The following GABARAPL2 variants were observed in gnomAD, a reference collection of about 807,000 sequenced individuals.
The protein encoded by GABARAPL2 is gamma-aminobutyric acid receptor-associated protein-like 2.
Under a neutral mutation model 16.9 loss-of-function variants are expected in GABARAPL2, and 11 were observed. The observed-to-expected ratio is 0.65, with a 90% CI of 0.41 to 1.08. The LOEUF (loss-of-function observed/expected upper bound fraction) is 1.08, where lower values mean the gene tolerates loss of function less well. Among genes scored for constraint, GABARAPL2 ranks in the 50% least tolerant of loss-of-function variants. The probability of loss-of-function intolerance (pLI) is 0.00; values close to 1 mark genes in which losing one functional copy is unlikely to be tolerated. For missense variants in GABARAPL2, 134 were observed against 142.5 expected (o/e 0.94, Z 0.30); for synonymous variants, 57 against 50.7 (o/e 1.12, Z -0.53).
intron 3 of GABARAPL2, among the ~76,000 whole-genome samples, chr16:75,569,631 C>T (rs557512806): frequency 6.6e-6 from 1 of 152,232 alleles, no homozygotes; most frequent in Non-Finnish European, 1.5e-5. Flanking sequence ...GTGACTAGGA[C>T]CTATGGCATT....
intron 3 of GABARAPL2, chr16:75,572,154 CTG>C (rs958368076): frequency 1.2e-4 from 19 of 152,034 alleles, no homozygotes; most frequent in African/African-American, 4.1e-4. Flanking sequence ...ATGAGTGAAA[CTG>C]TCTCAAAACA....
chr16:75,575,772 G>A (rs186504796), intron 3 of GABARAPL2: 1 of 152,292 alleles, frequency 6.6e-6, no homozygotes, highest in Admixed American at 6.5e-5. Context: ...TTTTAGTAGA[G>A]ACAGGGTTTC....
At chr16:75,573,356 C>T (rs34981527) in intron 3 of GABARAPL2, among the ~76,000 whole-genome samples, 5,588 of 152,292 alleles carry the variant, frequency 0.037, 132 homozygotes, top group Non-Finnish European at 0.051. Context: ...AGTCAGATCC[C>T]GTAAGTGCTG....
intron 3 of GABARAPL2, 117 bp from the exon 4 acceptor site, chr16:75,577,162 A>C: frequency 1.5e-6 from 1 of 677,392 alleles, no homozygotes; most frequent in South Asian, 1.7e-5. Context: ...CAGGATTATA[A>C]GCACACAGCA....
At chr16:75,568,841 C>T (rs1370650477) in intron 3 of GABARAPL2, among the ~76,000 whole-genome samples, 2 of 152,168 alleles carry the variant, frequency 1.3e-5, no homozygotes, top group African/African-American at 2.4e-5. Flanking sequence ...TTAGAATTCC[C>T]GTTTTCTGTG....
In GABARAPL2 at chr16:75,577,397, A is replaced by C; in HGVS notation, c.*28A>C. 7.6e-7 allele frequency: 1 copy of C among 1,324,012 alleles called. No individual in the cohort carries two copies. Among genetic ancestry groups the C allele is most frequent in the Non-Finnish European group, 1.1e-6 (1 of 915,000 alleles). 82.0% of individuals were successfully genotyped at this position (1,324,012 alleles called of 1,614,324 possible). A position where few individuals can be genotyped will look rare whatever the true frequency, so the allele number is the denominator to read the frequency against. On this transcript the variant is annotated 3_prime_UTR_variant, in exon 4 of 4. Transcript: ENST00000037243. Reference sequence around the variant, plus strand: ...GCCATTGCTGGGCTAGGTGCACCGTAACTGCTTGTGTATCTTGTAAATAGC... The same window carrying C: ...GCCATTGCTGGGCTAGGTGCACCGTCACTGCTTGTGTATCTTGTAAATAGC...
chr16:75,570,114 G>T (rs920545659), intron 3 of GABARAPL2, among the ~76,000 whole-genome samples: 6 of 150,260 alleles, frequency 4.0e-5, no homozygotes, highest in African/African-American at 9.8e-5. Context: ...TTTTTTTTTT[G>T]AGACAGAGTC....
In GABARAPL2 at chr16:75,566,387, C is replaced by T; in HGVS notation, c.-100C>T. The T allele has an allele frequency of 2.3e-6, 2 of 878,226 alleles. No homozygotes were observed. Among genetic ancestry groups the T allele is most frequent in the South Asian group, 2.9e-5 (2 of 69,102 alleles). 54.4% of individuals were successfully genotyped at this position (878,226 alleles called of 1,614,324 possible). A position where few individuals can be genotyped will look rare whatever the true frequency, so the allele number is the denominator to read the frequency against. On this transcript the variant is annotated 5_prime_UTR_variant, in exon 1 of 4. Transcript: ENST00000037243. ...AGTCCCGCCTGCCGTGTAGTCGCCGCCGTCGCTGCCGCTGCCGCTGCCGCC... is the reference window on the plus strand; with the variant it reads ...AGTCCCGCCTGCCGTGTAGTCGCCGTCGTCGCTGCCGCTGCCGCTGCCGCC...
chr16:75,569,824 G>T (rs1314061114), intron 3 of GABARAPL2, among the ~76,000 whole-genome samples: 1 of 152,154 alleles, frequency 6.6e-6, no homozygotes, highest in Non-Finnish European at 1.5e-5. Flanking sequence ...AATGAAAAAT[G>T]ATTTTTCAGG....
At chr16:75,569,386 G>A (rs571912126) in intron 3 of GABARAPL2, among the ~76,000 whole-genome samples, 7 of 152,354 alleles carry the variant, frequency 4.6e-5, no homozygotes, top group African/African-American at 1.7e-4. Flanking sequence ...TCTGGAAGCT[G>A]TGGTGTTGCT....
intron 1 of GABARAPL2, 130 bp from the exon 2 acceptor site, chr16:75,566,722 A>C (rs2080885297): frequency 3.0e-6 from 3 of 1,006,506 alleles, no homozygotes; most frequent in Admixed American, 3.8e-5. Context: ...AGTAGGGGAC[A>C]GGACCGCGGC....
chr16:75,577,430 T>A lies in GABARAPL2; in HGVS notation c.*61T>A, dbSNP rs2080956691. Reference sequence around the variant, plus strand: ...GTGTATCTTGTAAATAGCCAGCCATTTTCAGTTATTATACCAGAACCTCTT... The same window carrying A: ...GTGTATCTTGTAAATAGCCAGCCATATTCAGTTATTATACCAGAACCTCTT... On this transcript the variant is annotated 3_prime_UTR_variant, in exon 4 of 4. Coordinates refer to ENST00000037243, the MANE Select transcript of GABARAPL2 (RefSeq NM_007285.7). 1.1e-6 allele frequency: 1 copy of A among 952,156 alleles called. No individual in the cohort carries two copies. Among genetic ancestry groups the A allele is most frequent in the African/African-American group, 1.6e-5 (1 of 62,390 alleles). The allele number at this position is 952,156 out of a possible 1,614,324, so 59.0% of individuals were successfully genotyped here. A position where few individuals can be genotyped will look rare whatever the true frequency, so the allele number is the denominator to read the frequency against.
At chr16:75,567,020 T>G in intron 2 of GABARAPL2, 113 bp downstream of exon 2, 1 of 925,788 alleles carries the variant, frequency 1.1e-6, no homozygotes, top group Non-Finnish European at 1.7e-6. Flanking sequence ...CCAGTTACAG[T>G]AGCTGACGGG....
rs1452147076 is a variant in GABARAPL2 at position 75,568,066 on chromosome 16, G to A, written c.120G>A (p.Gln40=). The A allele has an allele frequency of 1.9e-6, 3 of 1,609,584 alleles. No individual in the cohort carries two copies. Among genetic ancestry groups the A allele is most frequent in the East Asian group, 4.5e-5 (2 of 44,706 alleles). ...TTGTGGAAAAGGTCTCAGGCTCTCA[G>A]ATTGTTGACATTGACAAACGGAAGT... is the stretch of plus-strand genomic sequence containing the variant. ...PVIVEKVSGS[Q]IVDIDKRKYL... is the part of the protein sequence containing the mutation. The change falls in exon 3 of 4, where the codon CAG becomes CAA. Residue 40 remains glutamine, a synonymous_variant. Transcript: ENST00000037243.
Position 75,566,415 on chromosome 16 carries a change from C to T in GABARAPL2, c.-72C>T, listed in dbSNP as rs936786148. On this transcript the variant is annotated 5_prime_UTR_variant, in exon 1 of 4. Coordinates refer to ENST00000037243, the MANE Select transcript of GABARAPL2 (RefSeq NM_007285.7). ...TCGCTGCCGCTGCCGCTGCCGCCGT[C>T]GTTGTTGTTGTGCTCGGTGCGCTGA... The T allele has an allele frequency of 7.7e-6, 9 of 1,172,052 alleles. No homozygotes were observed. The highest frequency in any genetic ancestry group is 5.3e-5 in the East Asian group (2 of 37,402). 72.6% of individuals were successfully genotyped at this position (1,172,052 alleles called of 1,614,324 possible). A position where few individuals can be genotyped will look rare whatever the true frequency, so the allele number is the denominator to read the frequency against.
rs1031358414 is a variant in GABARAPL2 at position 75,568,322 on chromosome 16, G to C, written c.263+113G>C. On this transcript the variant is annotated intron_variant, in intron 3 of 3. Coordinates refer to ENST00000037243, the MANE Select transcript of GABARAPL2 (RefSeq NM_007285.7). ...TCTTAGGGGTCCTGACTAGAAATCTGGATTTTATGCTCCCTGACATCAGGG... is the reference window on the plus strand; with the variant it reads ...TCTTAGGGGTCCTGACTAGAAATCTCGATTTTATGCTCCCTGACATCAGGG... The C allele has an allele frequency of 3.5e-5, 23 of 657,790 alleles. No homozygotes were observed. In the Admixed American group the frequency reaches 5.7e-4, roughly 16 times the overall value. 40.7% of individuals were successfully genotyped at this position (657,790 alleles called of 1,614,324 possible).
chr16:75,566,663 C>A, intron 1 of GABARAPL2, 143 bp downstream of exon 1: 1 of 1,014,384 alleles, frequency 9.9e-7, no homozygotes. Flanking sequence ...GTGCCTCGGG[C>A]AGCGGCCCCC....
At chr16:75,574,987 C>T (rs2151720011) in intron 3 of GABARAPL2, among the ~76,000 whole-genome samples, 1 of 152,212 alleles carries the variant, frequency 6.6e-6, no homozygotes, top group Non-Finnish European at 1.5e-5. Flanking sequence ...AACCGAGATC[C>T]TGCTACTGTA....
intron 2 of GABARAPL2, among the ~76,000 whole-genome samples, chr16:75,567,153 C>G (rs999625754): frequency 2.0e-5 from 3 of 152,214 alleles, no homozygotes; most frequent in African/African-American, 4.8e-5. Context: ...TCGGGGCTCC[C>G]TGGCCAATTA....
Sources: allele counts gnomAD v4.1 joint callset (sites outside exome capture counted in the v4.1 genomes callset), GRCh38; gene constraint gnomAD v4.1.1; transcripts MANE v1.5; gene names NCBI Gene and HGNC (gene_info 2026-07-23, HGNC 2026-07-21).